Variants in TSHZ2 observed in about 807,000 individuals in gnomAD.
TSHZ2 encodes teashirt homolog 2.
TSHZ2 carries 21 observed loss-of-function variants against 74.4 expected under a neutral mutation model. The ratio of observed to expected loss-of-function variants is 0.28; its 90% CI spans 0.20 to 0.41. TSHZ2 has a LOEUF of 0.41. Among genes scored for constraint, TSHZ2 ranks in the 10% least tolerant of loss-of-function variants. The probability of loss-of-function intolerance (pLI) is 1.00; values close to 1 mark genes in which losing one functional copy is unlikely to be tolerated. For synonymous variants in TSHZ2, 540 were observed against 515.3 expected (o/e 1.05, Z -0.65); for missense variants, 1,244 against 1,293.5 (o/e 0.96, Z 0.59).
At chr20:53,081,623 T>A (rs1200228049) in intron 1 of TSHZ2, among the ~76,000 whole-genome samples, 1 of 152,198 alleles carries the variant, frequency 6.6e-6, no homozygotes, top group Non-Finnish European at 1.5e-5. Context: ...AACACCCACT[T>A]CCACGGCTCT....
intron 1 of TSHZ2, among the ~76,000 whole-genome samples, chr20:53,128,808 G>A (rs1422045397): frequency 1.3e-5 from 2 of 152,106 alleles, no homozygotes; most frequent in Non-Finnish European, 2.9e-5. Flanking sequence ...TTTTAGTAGA[G>A]ATTGGGTTTC....
At chr20:53,145,768 G>A (rs977708689) in intron 1 of TSHZ2, among the ~76,000 whole-genome samples, 1 of 152,216 alleles carries the variant, frequency 6.6e-6, no homozygotes, top group African/African-American at 2.4e-5. Context: ...AACCAGAGAA[G>A]CACAGGTAAT....
intron 1 of TSHZ2, among the ~76,000 whole-genome samples, chr20:53,184,078 C>T (rs1180516017): frequency 2.0e-5 from 3 of 152,236 alleles, no homozygotes; most frequent in African/African-American, 7.2e-5. Context: ...TGCATCTCAA[C>T]TTGTATTTTG....
chr20:53,306,200 C>G (rs1033360273), intron 2 of TSHZ2, among the ~76,000 whole-genome samples: 4 of 152,128 alleles, frequency 2.6e-5, no homozygotes, highest in Non-Finnish European at 5.9e-5. Flanking sequence ...GTGTGCAAGA[C>G]AAGAGGACTG....
Position 53,254,745 on chromosome 20 carries a change from G to T in TSHZ2, c.1287G>T (p.Met429Ile). 6.2e-7 allele frequency: 1 copy of T among 1,613,596 alleles called. No individual in the cohort carries two copies. Among genetic ancestry groups the T allele is most frequent in the Non-Finnish European group, 8.5e-7 (1 of 1,179,604 alleles). ...TAGACCCGTTAGCAGTGGAGAAAAT[G>T]CAGTCGTTGTCTGAGGCCCCAAACA... is the stretch of plus-strand genomic sequence containing the variant. Reference protein sequence around the residue: ...LVLDPLAVEKMQSLSEAPNSD... With the variant: ...LVLDPLAVEKIQSLSEAPNSD... Residue 429 changes from methionine to isoleucine, a missense_variant, in exon 2 of 3, where the codon ATG becomes ATT. Transcript: ENST00000371497.
At position 53,488,818 on chromosome 20, in the gene TSHZ2, A is replaced by G. The variant is rs1435654422; in HGVS notation, c.*1683A>G. The G allele has an allele frequency of 6.0e-6, 2 of 334,662 alleles. No individual in the cohort carries two copies. The highest frequency in any genetic ancestry group is 1.2e-5 in the Non-Finnish European group (2 of 171,604). The allele number at this position is 334,662 out of a possible 1,614,324, so 20.7% of individuals were successfully genotyped here. A position where few individuals can be genotyped will look rare whatever the true frequency, so the allele number is the denominator to read the frequency against. On this transcript the variant is annotated 3_prime_UTR_variant, in exon 3 of 3. Transcript: ENST00000371497. ...TTTTGGAAATTTTGACATGATCCCTAAATTCAACATTGGGATTAAAAAAAA... is the reference window on the plus strand; with the variant it reads ...TTTTGGAAATTTTGACATGATCCCTGAATTCAACATTGGGATTAAAAAAAA...
Position 53,487,458 on chromosome 20 carries a change from C to G in TSHZ2, c.*323C>G, listed in dbSNP as rs1030418683. 1 of 151,920 alleles carries G rather than the reference C, an allele frequency of 6.6e-6. No individual in the cohort carries two copies. The highest frequency in any genetic ancestry group is 1.5e-5 in the Non-Finnish European group (1 of 68,000). 9.4% of individuals were successfully genotyped at this position (151,920 alleles called of 1,614,324 possible). On this transcript the variant is annotated 3_prime_UTR_variant, in exon 3 of 3. Transcript: ENST00000371497. ...CTGTCACAAGAAAACAAAGTGCCAC[C>G]GAAGAAAAGTAATGACTGAGAGCAT...
At chr20:53,312,095 T>A (rs1465559851) in intron 2 of TSHZ2, among the ~76,000 whole-genome samples, 2 of 151,746 alleles carry the variant, frequency 1.3e-5, no homozygotes, top group East Asian at 3.9e-4. Context: ...AAATAAAAAT[T>A]TTTTTAAAAA....
intron 1 of TSHZ2, among the ~76,000 whole-genome samples, chr20:53,133,080 C>A (rs2107324): frequency 0.3 from 45,933 of 152,026 alleles, 7,467 homozygotes; most frequent in African/African-American, 0.42. Context: ...GCTTTCCTGA[C>A]CTTCTTTTTC....
intron 1 of TSHZ2, among the ~76,000 whole-genome samples, chr20:53,018,913 A>G (rs1983136167): frequency 6.6e-6 from 1 of 152,158 alleles, no homozygotes; most frequent in African/African-American, 2.4e-5. Context: ...TGTTAAGATT[A>G]TTTTTAGATC....
intron 1 of TSHZ2, among the ~76,000 whole-genome samples, chr20:53,001,216 G>GTGTGTGTGTGTGTGTGTGTA (rs1555813569): frequency 2.8e-5 from 4 of 142,570 alleles, no homozygotes; most frequent in African/African-American, 1.1e-4. Context: ...GTGTGTGTGT[G>GTGTGTGTGTGTGTGTGTGTA]TGTGTGTGTG....
chr20:53,218,152 G>C (rs1209004469), intron 1 of TSHZ2, among the ~76,000 whole-genome samples: 1 of 152,202 alleles, frequency 6.6e-6, no homozygotes, highest in Non-Finnish European at 1.5e-5. Context: ...CCTTTATTCT[G>C]CACTAAATTT....
chr20:53,353,552 C>A (rs1031246798), intron 2 of TSHZ2, among the ~76,000 whole-genome samples: 1 of 152,092 alleles, frequency 6.6e-6, no homozygotes, highest in African/African-American at 2.4e-5. Context: ...TTCCATAGAC[C>A]AAATACGTAT....
At chr20:53,350,055 TCCTC>T (rs940166643) in intron 2 of TSHZ2, among the ~76,000 whole-genome samples, 42 of 152,320 alleles carry the variant, frequency 2.8e-4, no homozygotes, top group Middle Eastern at 3.4e-3. Context: ...TGACTGATCC[TCCTC>T]CCTCCCTTGT....
intron 1 of TSHZ2, among the ~76,000 whole-genome samples, chr20:53,157,944 T>G (rs1367678552): frequency 1.3e-5 from 2 of 152,020 alleles, no homozygotes; most frequent in African/African-American, 4.8e-5. Context: ...CACAAACCAA[T>G]GAATTTCAGG....
At chr20:53,142,520 G>C (rs1177695104) in intron 1 of TSHZ2, among the ~76,000 whole-genome samples, 2 of 152,244 alleles carry the variant, frequency 1.3e-5, no homozygotes, top group Non-Finnish European at 2.9e-5. Context: ...TACAAGCACA[G>C]GAAGGAAGAT....
intron 1 of TSHZ2, among the ~76,000 whole-genome samples, chr20:53,151,753 C>T (rs2123441855): frequency 6.6e-6 from 1 of 152,248 alleles, no homozygotes; most frequent in African/African-American, 2.4e-5. Context: ...ACTATCACCT[C>T]ATGGCCTTTC....
intron 2 of TSHZ2, among the ~76,000 whole-genome samples, chr20:53,442,692 T>C (rs997239408): frequency 1.3e-5 from 2 of 152,212 alleles, no homozygotes; most frequent in African/African-American, 4.8e-5. Context: ...GTCTCCCTAA[T>C]TGGGCATTCT....
chr20:53,263,366 C>T (rs776070236), intron 2 of TSHZ2, among the ~76,000 whole-genome samples: 2 of 152,132 alleles, frequency 1.3e-5, no homozygotes, highest in African/African-American at 2.4e-5. Flanking sequence ...CAGTGGATAC[C>T]GGTGCCCAAA....
Sources: gnomAD v4.1 joint callset for allele counts (sites outside exome capture counted in the v4.1 genomes callset) on GRCh38, gnomAD v4.1.1 for gene constraint, MANE v1.5 for transcripts, NCBI Gene and HGNC (gene_info 2026-07-23, HGNC 2026-07-21) for gene names.